Variants in CASK observed in about 807,000 individuals in gnomAD.
CASK encodes peripheral plasma membrane protein CASK.
CASK carries 4 observed loss-of-function variants against 82.9 expected under a neutral mutation model. The observed-to-expected ratio is 0.05, with a 90% CI of 0.02 to 0.11. The LOEUF (loss-of-function observed/expected upper bound fraction) is 0.11. Among genes scored for constraint, CASK ranks in the 10% least tolerant of loss-of-function variants. The pLI is 1.00. For missense variants in CASK, 358 were observed against 720.9 expected (o/e 0.50, Z 5.76); for synonymous variants, 259 against 253.5 (o/e 1.02, Z -0.20).
intron 1 of CASK, among the ~76,000 whole-genome samples, chrX:41,873,600 A>G (rs892338688): frequency 2.7e-5 from 3 of 111,112 alleles, no homozygotes; most frequent in Non-Finnish European, 3.8e-5. Context: ...AAAGCACTAA[A>G]TAACAAAAAG....
chrX:41,564,421 G>A (rs1602269087), intron 16 of CASK, among the ~76,000 whole-genome samples: 1 of 111,582 alleles, frequency 9.0e-6, no homozygotes, highest in East Asian at 2.8e-4. Flanking sequence ...GTACAGTGGC[G>A]TGATCATAGC....
At chrX:41,540,561 A>T (rs2064934482) in intron 22 of CASK, among the ~76,000 whole-genome samples, 1 of 112,523 alleles carries the variant, frequency 8.9e-6, no homozygotes, top group South Asian at 3.7e-4. Flanking sequence ...CAAGGCCCGT[A>T]GGAGCGAAGT....
At chrX:41,795,743 C>G (rs2069839280) in intron 2 of CASK, among the ~76,000 whole-genome samples, 1 of 110,548 alleles carries the variant, frequency 9.0e-6, no homozygotes, top group East Asian at 2.8e-4. Flanking sequence ...GTATCTGATT[C>G]ACACACAGTT....
chrX:41,524,087 G>A, intron 25 of CASK, 53 bp from the exon 26 acceptor site: 1 of 889,522 alleles, frequency 1.1e-6, no homozygotes, highest in Non-Finnish European at 1.6e-6. Context: ...AATAACTAAT[G>A]TAACTTTCAA....
intron 1 of CASK, among the ~76,000 whole-genome samples, chrX:41,861,830 TATAC>T (rs1490430707): frequency 2.0e-5 from 2 of 101,887 alleles, no homozygotes; most frequent in East Asian, 2.9e-4. Flanking sequence ...TATATGTATA[TATAC>T]ATACAATATA....
intron 15 of CASK, among the ~76,000 whole-genome samples, chrX:41,573,341 T>G (rs967302955): frequency 6.4e-5 from 7 of 109,625 alleles, no homozygotes; most frequent in African/African-American, 2.3e-4. Flanking sequence ...TGCCATGGTG[T>G]TTGGATCTGT....
rs1332058569 is a variant in CASK, at chrX:41,517,762, T to TGTAGCA, written c.*2652_*2657dup. 1.4e-5 allele frequency: 10 copies of TGTAGCA among 730,874 alleles called. No individual in the cohort carries two copies. In the Admixed American group the frequency reaches 1.9e-4, roughly 14 times the overall value. 60.2% of individuals were successfully genotyped at this position (730,874 alleles called of 1,213,427 possible). A position where few individuals can be genotyped will look rare whatever the true frequency, so the allele number is the denominator to read the frequency against. On this transcript the variant is annotated 3_prime_UTR_variant, in exon 27 of 27. Coordinates refer to ENST00000378163, the MANE Select transcript of CASK (RefSeq NM_001367721.1). ...CTGATTGCTTAGTGGACAATTGTAA[T>TGTAGCA]GTAGCAGTAGCAGCAGCAGCAGCAG...
chrX:41,644,484 T>C (rs778136025), intron 8 of CASK, among the ~76,000 whole-genome samples: 10 of 111,949 alleles, frequency 8.9e-5, no homozygotes, highest in Admixed American at 2.9e-4. Flanking sequence ...GAAAGATGTA[T>C]GTCACCTTAG....
chrX:41,670,321 C>A (rs1232640501), intron 6 of CASK, among the ~76,000 whole-genome samples: 2 of 112,300 alleles, frequency 1.8e-5, no homozygotes, highest in Non-Finnish European at 3.8e-5. Context: ...AATTAGCATT[C>A]TTTGAAACTA....
At position 41,636,624 on chromosome X, in the gene CASK, T is replaced by C; in HGVS notation, c.869A>G (p.Glu290Gly). Residue 290 changes from glutamate to glycine, a missense_variant, in exon 9 of 27, where the codon GAA (glutamate) becomes GGA (glycine). This residue lies in a region of CASK where 110 missense variants were observed against 218.8 expected (regional missense o/e 0.50). Transcript: ENST00000378163. ...GAATTTCCTCAGCTGCTCTACTGTT[T>C]CTGGAAGATGAATCTTGTAGGCGTA... ...DRYAYKIHLPETVEQLRKFNA... is the reference protein window; with the variant it reads ...DRYAYKIHLPGTVEQLRKFNA... 1 of 1,197,119 alleles carries C rather than the reference T, an allele frequency of 8.4e-7. No homozygotes were observed. The highest frequency in any genetic ancestry group is 3.0e-5 in the East Asian group (1 of 33,757).
At chrX:41,680,780 T>C (rs1190751984) in intron 5 of CASK, among the ~76,000 whole-genome samples, 1 of 110,196 alleles carries the variant, frequency 9.1e-6, no homozygotes, top group African/African-American at 3.3e-5. Context: ...CTGGGTGTGG[T>C]GGCAGAAGCC....
intron 22 of CASK, among the ~76,000 whole-genome samples, chrX:41,539,050 C>T (rs186054539): frequency 9.0e-6 from 1 of 111,630 alleles, no homozygotes; most frequent in Admixed American, 9.6e-5. Context: ...AACTCTGAAA[C>T]CCAAATTTTT....
chrX:41,572,749 T>C (rs1367738232), intron 15 of CASK, among the ~76,000 whole-genome samples: 2 of 112,109 alleles, frequency 1.8e-5, no homozygotes, highest in Non-Finnish European at 3.8e-5. Context: ...GATTTACCCA[T>C]ATAGCTATCA....
At chrX:41,766,743 C>T (rs1315482896) in intron 3 of CASK, among the ~76,000 whole-genome samples, 1 of 111,162 alleles carries the variant, frequency 9.0e-6, no homozygotes, top group Non-Finnish European at 1.9e-5. Flanking sequence ...AGAAATTAGC[C>T]GGGCATGGTG....
chrX:41,702,824 A>G (rs2067825956), intron 5 of CASK, among the ~76,000 whole-genome samples: 1 of 111,985 alleles, frequency 8.9e-6, no homozygotes, highest in Admixed American at 9.5e-5. Context: ...ACAAAAAACA[A>G]TCTTTAAAAC....
At chrX:41,905,361 G>A (rs914120991) in intron 1 of CASK, among the ~76,000 whole-genome samples, 12 of 111,947 alleles carry the variant, frequency 1.1e-4, no homozygotes, top group Non-Finnish European at 2.1e-4. Flanking sequence ...ACCAACGTAC[G>A]AGAGATCCAA....
intron 8 of CASK, among the ~76,000 whole-genome samples, chrX:41,650,117 C>G (rs963923889): frequency 3.6e-5 from 4 of 110,944 alleles, no homozygotes; most frequent in Admixed American, 1.9e-4. Flanking sequence ...AGATCTTCCT[C>G]CATCCCTTTA....
intron 3 of CASK, among the ~76,000 whole-genome samples, chrX:41,747,733 G>A (rs1277387668): frequency 8.0e-5 from 9 of 112,485 alleles, no homozygotes; most frequent in Non-Finnish European, 1.5e-4. Flanking sequence ...GAGCCACTGC[G>A]CCCGGCCTAC....
chrX:41,745,436 C>T (rs890037656), intron 4 of CASK, 88 bp downstream of exon 4: 7 of 616,760 alleles, frequency 1.1e-5, no homozygotes, highest in Middle Eastern at 3.0e-4. Context: ...CAGCAGCATG[C>T]TCTTTATCAG....
Sources: allele counts gnomAD v4.1 joint callset (sites outside exome capture counted in the v4.1 genomes callset), GRCh38; gene constraint gnomAD v4.1.1; regional missense constraint gnomAD v4.1.1; transcripts MANE v1.5; gene names NCBI Gene and HGNC (gene_info 2026-07-23, HGNC 2026-07-21).